Variants in LRP5 observed in about 807,000 individuals in gnomAD.
LRP5 encodes the protein LDL receptor related protein 5.
In LRP5, 62 loss-of-function variants were observed where a neutral mutation model predicts 154.1. The observed-to-expected ratio is 0.40, with a 90% CI of 0.33 to 0.50. The LOEUF is 0.50. Ranked by LOEUF, LRP5 falls within the 20% of genes least tolerant of loss-of-function variation. LRP5 has a pLI of 0.55. For synonymous variants in LRP5, 966 were observed against 1,011.5 expected (o/e 0.96, Z 0.85); for missense variants, 1,915 against 2,336.7 (o/e 0.82, Z 3.72).
chr11:68,369,945 G>C (rs909371105), intron 5 of LRP5, among the ~76,000 whole-genome samples: 1 of 152,172 alleles, frequency 6.6e-6, no homozygotes, highest in East Asian at 1.9e-4. Context: ...CATGTCCACT[G>C]TCCATGCCCT....
At chr11:68,355,103 C>T (rs980990040) in intron 2 of LRP5, among the ~76,000 whole-genome samples, 1 of 152,164 alleles carries the variant, frequency 6.6e-6, no homozygotes, top group Non-Finnish European at 1.5e-5. Context: ...AAGCATGGCC[C>T]CCTGGATGGG....
intron 15 of LRP5, 83 bp downstream of exon 15, chr11:68,425,375 C>T: frequency 7.0e-7 from 1 of 1,425,146 alleles, no homozygotes; most frequent in East Asian, 2.5e-5. Context: ...TTGTCCGAGA[C>T]CTGCCGTGAG....
intron 21 of LRP5, among the ~76,000 whole-genome samples, chr11:68,444,400 C>A (rs749363466): frequency 1.5e-4 from 23 of 152,140 alleles, no homozygotes; most frequent in Non-Finnish European, 3.1e-4. Flanking sequence ...GCCTGTAATC[C>A]CAGCTTCTCG....
chr11:68,423,427 TCTCCGCCAGTGC>T lies in LRP5; in HGVS notation c.3028-60_3028-49del, dbSNP rs2098666956. The T allele has an allele frequency of 1.3e-6, 2 of 1,493,846 alleles. No homozygotes were observed. The highest frequency in any genetic ancestry group is 2.8e-5 in the African/African-American group (2 of 72,110). The allele number at this position is 1,493,846 out of a possible 1,614,324, so 92.5% of individuals were successfully genotyped here. On this transcript the variant is annotated intron_variant, in intron 13 of 22. Coordinates refer to ENST00000294304, the MANE Select transcript of LRP5 (RefSeq NM_002335.4). The surrounding 1 kb of genome is among the most constrained non-coding windows in gnomAD (Gnocchi z 4.7). ...CGGGGGTCTCCGCCAGTGCCAGGGG[TCTCCGCCAGTGC>T]CCAGGGGTCTCCGCCAGTGCTCAGG...
intron 1 of LRP5, among the ~76,000 whole-genome samples, chr11:68,338,163 A>G (rs2098606782): frequency 6.6e-6 from 1 of 152,062 alleles, no homozygotes; most frequent in Non-Finnish European, 1.5e-5. Flanking sequence ...ATTAATCTCT[A>G]GCTTGTGTCC....
At chr11:68,341,754 G>A (rs1170180851) in intron 1 of LRP5, among the ~76,000 whole-genome samples, 1 of 151,710 alleles carries the variant, frequency 6.6e-6, no homozygotes, top group Non-Finnish European at 1.5e-5. Flanking sequence ...GTAGCATGCA[G>A]CCCCCCGACC....
At chr11:68,322,602 G>A (rs2098597333) in intron 1 of LRP5, among the ~76,000 whole-genome samples, 1 of 152,268 alleles carries the variant, frequency 6.6e-6, no homozygotes, top group Admixed American at 6.5e-5. Flanking sequence ...CCCAACCTGG[G>A]AGGGCCTTGA....
chr11:68,409,166 AAT>A (rs1394426020), intron 9 of LRP5, among the ~76,000 whole-genome samples: 1 of 137,742 alleles, frequency 7.3e-6, no homozygotes, highest in Non-Finnish European at 1.5e-5. Flanking sequence ...ATAATATAAA[AAT>A]ATATATTTAT....
chr11:68,357,349 A>C (rs923293924), intron 2 of LRP5, among the ~76,000 whole-genome samples: 3 of 152,240 alleles, frequency 2.0e-5, no homozygotes, highest in Non-Finnish European at 4.4e-5. Context: ...AAATAACCTG[A>C]AGTTCTTTAA....
chr11:68,442,464 T>C (rs948821478), intron 21 of LRP5, among the ~76,000 whole-genome samples: 1 of 151,914 alleles, frequency 6.6e-6, no homozygotes, highest in Non-Finnish European at 1.5e-5. Flanking sequence ...TTTGTGGAGG[T>C]GAGGCCTCAC....
At position 68,438,680 on chromosome 11, in the gene LRP5, C is replaced by T; in HGVS notation, c.4346C>T (p.Thr1449Ile). The T allele has an allele frequency of 2.5e-6, 4 of 1,611,532 alleles. No individual in the cohort carries two copies. The highest frequency in any genetic ancestry group is 3.4e-6 in the Non-Finnish European group (4 of 1,179,648). ...APGGSQHGPF[T>I]GIACGKSMMS... ...GGCGGTTCCCAGCATGGCCCCTTCA[C>T]AGGTAAGGAGCCTGAGATATGGAAT... is the stretch of plus-strand genomic sequence containing the variant. Residue 1449 changes from threonine (T) to isoleucine (I), a missense_variant and splice_region_variant, in exon 20 of 23, where the codon ACA (threonine) becomes ATA (isoleucine). Coordinates refer to ENST00000294304, the MANE Select transcript of LRP5 (RefSeq NM_002335.4).
chr11:68,315,569 A>G (rs2098592695), intron 1 of LRP5, among the ~76,000 whole-genome samples: 1 of 152,194 alleles, frequency 6.6e-6, no homozygotes, highest in Non-Finnish European at 1.5e-5. Context: ...CCTACCATGA[A>G]TTCAGTGAGT....
rs114180428 is a variant in LRP5 at position 68,377,828 on chromosome 11, C to A, written c.1016-8488C>A. Among the ~76,000 whole-genome samples the A allele has an allele frequency of 5.7e-3, 865 of 152,264 alleles. 4 individuals are homozygous for A. The highest frequency in any genetic ancestry group is 0.018 in the African/African-American group (768 of 41,546). Reference sequence around the variant, plus strand: ...GGGGTGGGCGTCCGGGCAGCAGAGGCCGATTCTCAGCTTTCCCTGGATCTC... The same window carrying A: ...GGGGTGGGCGTCCGGGCAGCAGAGGACGATTCTCAGCTTTCCCTGGATCTC... On this transcript the variant is annotated intron_variant, in intron 5 of 22. Transcript: ENST00000294304.
At chr11:68,344,603 A>C (rs1482613470) in intron 1 of LRP5, among the ~76,000 whole-genome samples, 1 of 152,042 alleles carries the variant, frequency 6.6e-6, no homozygotes, top group Non-Finnish European at 1.5e-5. Flanking sequence ...GACAGGTGTG[A>C]GCCACCGTGC....
intron 7 of LRP5, among the ~76,000 whole-genome samples, chr11:68,394,228 G>C (rs1051942525): frequency 2.6e-5 from 4 of 152,146 alleles, no homozygotes; most frequent in African/African-American, 9.7e-5. Flanking sequence ...TAGGACAGGG[G>C]GTTCTGGGGA....
At chr11:68,336,591 C>T (rs963538421) in intron 1 of LRP5, among the ~76,000 whole-genome samples, 2 of 152,272 alleles carry the variant, frequency 1.3e-5, no homozygotes, top group African/African-American at 2.4e-5. Context: ...GCCTCAGCCT[C>T]CTGAGAAGCT....
intron 1 of LRP5, among the ~76,000 whole-genome samples, chr11:68,315,775 C>T (rs779158172): frequency 1.3e-5 from 2 of 152,220 alleles, no homozygotes; most frequent in Non-Finnish European, 2.9e-5. Context: ...GCTCCTTCAC[C>T]CTCGGGGTGT....
At chr11:68,401,509 GT>G (rs1256251350) in intron 7 of LRP5, among the ~76,000 whole-genome samples, 5 of 152,208 alleles carry the variant, frequency 3.3e-5, no homozygotes, top group Admixed American at 3.3e-4. Flanking sequence ...GTTGTTTGCT[GT>G]TTTGTTGTTT....
At chr11:68,440,697 AC>A (rs1179806658) in intron 21 of LRP5, among the ~76,000 whole-genome samples, 1 of 151,550 alleles carries the variant, frequency 6.6e-6, no homozygotes, top group East Asian at 1.9e-4. Context: ...AGTGAGCCCC[AC>A]CTTGCTGGGG....
Sources: allele counts gnomAD v4.1 joint callset (sites outside exome capture counted in the v4.1 genomes callset), GRCh38; gene constraint gnomAD v4.1.1; non-coding constraint Gnocchi (gnomAD v3.1); transcripts MANE v1.5; gene names NCBI Gene and HGNC (gene_info 2026-07-23, HGNC 2026-07-21).